CADM2: variants seen among roughly 807,000 people sequenced by gnomAD.
The protein encoded by CADM2 is immunoglobulin superfamily member 4D.
CADM2 carries 12 observed loss-of-function variants against 49.8 expected under a neutral mutation model. The ratio of observed to expected loss-of-function variants is 0.24; its 90% confidence interval spans 0.15 to 0.39. CADM2 has a LOEUF of 0.39. CADM2 is among the 10% of genes least tolerant of loss of function. CADM2 has a pLI of 1.00. For synonymous variants in CADM2, 214 were observed against 175.4 expected, an observed-to-expected ratio of 1.22 and a Z score of -1.74; for missense variants, 378 against 492.3, an observed-to-expected ratio of 0.77 and a Z score of 2.20.
intron 1 of CADM2, among the ~76,000 whole-genome samples, chr3:85,689,287 A>G (rs1340479213): frequency 6.6e-6 from 1 of 152,200 alleles, no homozygotes; most frequent in African/African-American, 2.4e-5. Context: ...GGATGTAACA[A>G]ATTTAAAGTC....
chr3:85,571,808 CT>C (rs1365066570), intron 1 of CADM2, among the ~76,000 whole-genome samples: 1 of 152,086 alleles, frequency 6.6e-6, no homozygotes, highest in South Asian at 2.1e-4. Flanking sequence ...GTAAGGTCTG[CT>C]TTTGAGGTGG....
At chr3:85,308,310 TACACA>T (rs1477407522) in intron 1 of CADM2, among the ~76,000 whole-genome samples, 3 of 143,512 alleles carry the variant, frequency 2.1e-5, no homozygotes, top group Non-Finnish European at 3.1e-5. Flanking sequence ...TCTACCTCTC[TACACA>T]CACACACACA....
chr3:85,671,210 C>T (rs1185443321), intron 1 of CADM2, among the ~76,000 whole-genome samples: 4 of 152,118 alleles, frequency 2.6e-5, no homozygotes, highest in Admixed American at 1.3e-4. Flanking sequence ...ATAAATCTTC[C>T]ATCACTTGGA....
chr3:85,166,894 A>G (rs1012258205), intron 1 of CADM2, among the ~76,000 whole-genome samples: 15 of 151,990 alleles, frequency 9.9e-5, no homozygotes, highest in Admixed American at 7.9e-4. Context: ...TGTATTGTAT[A>G]TGATAAAATT....
chr3:85,758,922 G>A (rs2069244575), intron 2 of CADM2, among the ~76,000 whole-genome samples: 1 of 151,970 alleles, frequency 6.6e-6, no homozygotes, highest in African/African-American at 2.4e-5. Context: ...AGCATGAGAA[G>A]GGGTAAAGTG....
At chr3:85,318,582 T>C (rs2044525716) in intron 1 of CADM2, among the ~76,000 whole-genome samples, 1 of 152,214 alleles carries the variant, frequency 6.6e-6, no homozygotes, top group African/African-American at 2.4e-5. Context: ...ATAGTACATT[T>C]CTTATCATTA....
chr3:85,082,806 T>C (rs2037218360), intron 1 of CADM2, among the ~76,000 whole-genome samples: 1 of 152,072 alleles, frequency 6.6e-6, no homozygotes, highest in Non-Finnish European at 1.5e-5. Context: ...CAAAGGCATA[T>C]TTGATGATGG....
At chr3:85,679,783 A>T (rs1291528122) in intron 1 of CADM2, among the ~76,000 whole-genome samples, 1 of 152,146 alleles carries the variant, frequency 6.6e-6, no homozygotes, top group Non-Finnish European at 1.5e-5. Context: ...ACTTGTTGTC[A>T]GCTGGCTTTA....
At chr3:85,632,059 C>G (rs1305433903) in intron 1 of CADM2, among the ~76,000 whole-genome samples, 4 of 152,108 alleles carry the variant, frequency 2.6e-5, no homozygotes, top group Non-Finnish European at 4.4e-5. Context: ...CTGTGTCCCA[C>G]CCAAATCTCA....
chr3:85,370,446 CTAAAATA>C (rs2033147354), intron 1 of CADM2, among the ~76,000 whole-genome samples: 1 of 151,150 alleles, frequency 6.6e-6, no homozygotes, highest in East Asian at 2.0e-4. Flanking sequence ...GAAAATTGAA[CTAAAATA>C]TAATGGAGCT....
At chr3:85,539,897 C>G (rs1326213164) in intron 1 of CADM2, among the ~76,000 whole-genome samples, 1 of 151,950 alleles carries the variant, frequency 6.6e-6, no homozygotes. Flanking sequence ...TCTGTGACTG[C>G]AAAGTAGAAA....
intron 3 of CADM2, among the ~76,000 whole-genome samples, chr3:85,805,083 G>A (rs898079825): frequency 9.9e-5 from 15 of 152,034 alleles, no homozygotes; most frequent in African/African-American, 3.1e-4. Context: ...TGGGAGTACA[G>A]GCATGTGCCA....
chr3:86,021,540 A>T (rs1207334047), intron 8 of CADM2, among the ~76,000 whole-genome samples: 3 of 152,070 alleles, frequency 2.0e-5, no homozygotes, highest in Admixed American at 6.6e-5. Flanking sequence ...TCTTTATTGG[A>T]TCAATAAAGA....
intron 1 of CADM2, among the ~76,000 whole-genome samples, chr3:85,667,737 G>T (rs934865724): frequency 2.0e-5 from 3 of 151,956 alleles, no homozygotes; most frequent in Non-Finnish European, 2.9e-5. Flanking sequence ...TTCAGGACAG[G>T]CAAAAGAGAC....
intron 3 of CADM2, among the ~76,000 whole-genome samples, chr3:85,842,678 T>C (rs752985655): frequency 2.6e-5 from 4 of 152,086 alleles, no homozygotes; most frequent in Non-Finnish European, 5.9e-5. Flanking sequence ...TCATCTAGGA[T>C]TGAGGATAAA....
intron 1 of CADM2, among the ~76,000 whole-genome samples, chr3:85,656,784 A>G (rs1007751956): frequency 7.9e-5 from 12 of 152,192 alleles, no homozygotes; most frequent in Admixed American, 7.9e-4. Flanking sequence ...TTACTAAATC[A>G]GTCACTCTAT....
At chr3:85,919,676 T>G (rs1718847776) in intron 6 of CADM2, among the ~76,000 whole-genome samples, 1 of 151,860 alleles carries the variant, frequency 6.6e-6, no homozygotes, top group Admixed American at 6.6e-5. Context: ...ATTTTTAAAA[T>G]GTATCAAACT....
intron 1 of CADM2, among the ~76,000 whole-genome samples, chr3:85,289,440 A>T (rs1271583973): frequency 1.3e-5 from 2 of 152,100 alleles, no homozygotes. Context: ...CTAGAACTTG[A>T]CTCTATGCTT....
rs1459403095 is a variant in CADM2 at position 85,381,499 on chromosome 3, A to AAT, written c.62-345013_62-345012dup. ...ATATATATAAAGTGTATATATAAAG[A>AAT]ATATATATATAAAGTATATATATAT... On this transcript the variant is annotated intron_variant, in intron 1 of 9. Coordinates refer to ENST00000383699, the MANE Select transcript of CADM2 (RefSeq NM_001167675.2). Among the ~76,000 whole-genome samples the AAT allele has an allele frequency of 8.1e-5, 12 of 147,684 alleles. No individual in the cohort carries two copies. The East Asian group carries it at 1.4e-3, about 17-fold the overall frequency.
Sources: gnomAD v4.1 joint callset for allele counts (sites outside exome capture counted in the v4.1 genomes callset) on GRCh38, gnomAD v4.1.1 for gene constraint, MANE v1.5 for transcripts, NCBI Gene and HGNC (gene_info 2026-07-23, HGNC 2026-07-21) for gene names.